Variants in MLLT10 observed in about 807,000 individuals in gnomAD.
MLLT10 encodes protein AF-10.
In MLLT10, 30 loss-of-function variants were observed where a neutral mutation model predicts 129.1. The ratio of observed to expected loss-of-function variants is 0.23; its 90% CI spans 0.17 to 0.32. The LOEUF (loss-of-function observed/expected upper bound fraction) is 0.32, where lower values mean the gene tolerates loss of function less well. Among genes scored for constraint, MLLT10 ranks in the 10% least tolerant of loss-of-function variants. MLLT10 has a pLI of 1.00. For synonymous variants in MLLT10, 490 were observed against 446.4 expected (o/e 1.10, Z -1.23); for missense variants, 1,119 against 1,268.3 (o/e 0.88, Z 1.79).
chr10:21,654,713 G>A (rs1371859479), intron 9 of MLLT10, among the ~76,000 whole-genome samples: 1 of 152,152 alleles, frequency 6.6e-6, no homozygotes, highest in Non-Finnish European at 1.5e-5. Flanking sequence ...CACAGAGTAG[G>A]GTTTGGTCAG....
Position 21,621,329 on chromosome 10 carries a change from C to G in MLLT10, c.699+4122C>G, listed in dbSNP as rs2045829910. 2.0e-5 allele frequency among the ~76,000 whole-genome samples: 3 copies of G among 149,692 alleles called. No homozygotes were observed. The South Asian group carries it at 6.3e-4, about 32-fold the overall frequency. ...GCGCGATCTGGGCTTACTGCAAGCT[C>G]CGCCTTCCAGGTTCACGCCATTTTC... On this transcript the variant is annotated intron_variant, in intron 8 of 22. Coordinates refer to ENST00000307729, the MANE Select transcript of MLLT10 (RefSeq NM_001195626.3).
At chr10:21,650,836 A>G (rs975981522) in intron 8 of MLLT10, among the ~76,000 whole-genome samples, 2 of 152,084 alleles carry the variant, frequency 1.3e-5, no homozygotes, top group Non-Finnish European at 2.9e-5. Context: ...AACTTTATCT[A>G]AATTTTTTTG....
At chr10:21,689,571 A>ATATATATATATATGTATG (rs1330574228) in intron 13 of MLLT10, among the ~76,000 whole-genome samples, 1 of 88,576 alleles carries the variant, frequency 1.1e-5, no homozygotes, top group African/African-American at 3.1e-5. Flanking sequence ...ATATGTATAT[A>ATATATATATATATGTATG]TATATATATA....
intron 3 of MLLT10, among the ~76,000 whole-genome samples, chr10:21,561,317 G>T (rs1247165851): frequency 6.6e-6 from 1 of 152,106 alleles, no homozygotes; most frequent in African/African-American, 2.4e-5. Context: ...TGAGATCTTG[G>T]CTCTGTTCTG....
At chr10:21,562,328 T>TA (rs1210558012) in intron 3 of MLLT10, among the ~76,000 whole-genome samples, 3 of 150,288 alleles carry the variant, frequency 2.0e-5, no homozygotes, top group African/African-American at 7.5e-5. Flanking sequence ...TATTTTTGTT[T>TA]TTTTATTTAT....
intron 3 of MLLT10, chr10:21,551,881 G>A: frequency 5.7e-6 from 2 of 352,890 alleles, no homozygotes; most frequent in Admixed American, 4.0e-5. Flanking sequence ...TGCAACCTCT[G>A]CTCCCCGGGT....
In MLLT10 at chr10:21,659,513, T is replaced by A. The variant is rs1307120362; in HGVS notation, c.795+7745T>A. ...TACTTTGCTCTTCTTACTCTTAATC[T>A]TTTTTTTTTTTTTTTGAGACGGATT... On this transcript the variant is annotated intron_variant, in intron 9 of 22. Coordinates refer to ENST00000307729, the MANE Select transcript of MLLT10 (RefSeq NM_001195626.3). Among the ~76,000 whole-genome samples, 15 of 137,362 alleles carry A rather than the reference T, an allele frequency of 1.1e-4. No individual in the cohort carries two copies. In the East Asian group the frequency reaches 3.0e-3, roughly 27 times the overall value. 90.1% of individuals were successfully genotyped at this position (137,362 alleles called of 152,430 possible).
At chr10:21,619,029 TACAC>T (rs66469025) in intron 8 of MLLT10, among the ~76,000 whole-genome samples, 20,919 of 143,706 alleles carry the variant, frequency 0.15, 1,584 homozygotes, top group Admixed American at 0.25. Context: ...CCTGGTGACA[TACAC>T]ACACACACAC....
At chr10:21,693,143 T>C (rs1231659095) in intron 13 of MLLT10, among the ~76,000 whole-genome samples, 7 of 152,212 alleles carry the variant, frequency 4.6e-5, no homozygotes. Flanking sequence ...ACTCATATTT[T>C]TATACTTTAT....
rs1335068052 is a variant in MLLT10 at position 21,586,543 on chromosome 10, T to C, written c.295+195T>C. Among the ~76,000 whole-genome samples, 3 of 152,166 alleles carry C rather than the reference T, an allele frequency of 2.0e-5. No individual in the cohort carries two copies. In the South Asian group the frequency reaches 6.2e-4, roughly 31 times the overall value. ...TCTACTTTGTGGACAAACTTAAGCA[T>C]TGGGTATTTTATGCAGTATGATCTA... On this transcript the variant is annotated intron_variant, in intron 4 of 22. Transcript: ENST00000307729.
intron 13 of MLLT10, among the ~76,000 whole-genome samples, chr10:21,699,697 A>T (rs1347539835): frequency 6.6e-5 from 10 of 151,982 alleles, no homozygotes; most frequent in Non-Finnish European, 2.9e-5. Context: ...AAAAAAAAAA[A>T]AGTGGGTTTA....
At chr10:21,711,855 C>G (rs2056121329) in intron 13 of MLLT10, among the ~76,000 whole-genome samples, 3 of 152,222 alleles carry the variant, frequency 2.0e-5, no homozygotes, top group African/African-American at 7.2e-5. Flanking sequence ...TTAGATACCT[C>G]TTTTTCTGTG....
At chr10:21,537,540 G>T (rs976542841) in intron 2 of MLLT10, among the ~76,000 whole-genome samples, 4 of 151,634 alleles carry the variant, frequency 2.6e-5, no homozygotes, top group African/African-American at 9.7e-5. Flanking sequence ...TCTCGGCTCA[G>T]TGAAACCTTC....
chr10:21,562,687 A>G (rs2038980159), intron 3 of MLLT10, among the ~76,000 whole-genome samples: 1 of 152,100 alleles, frequency 6.6e-6, no homozygotes, highest in South Asian at 2.1e-4. Flanking sequence ...AGGTATTACA[A>G]TCCAAGAACG....
In MLLT10 at chr10:21,585,248, A is replaced by G. The variant is rs565293894; in HGVS notation, c.241-1046A>G. Among the ~76,000 whole-genome samples, 5 of 152,146 alleles carry G rather than the reference A, an allele frequency of 3.3e-5. No homozygotes were observed. The South Asian group carries it at 1.0e-3, about 32-fold the overall frequency. On this transcript the variant is annotated intron_variant, in intron 3 of 22. Coordinates refer to ENST00000307729, the MANE Select transcript of MLLT10 (RefSeq NM_001195626.3). ...CTATATTACTATATAGTATGCTGCA[A>G]AACCTCTTTTGGAAACAAAGTGGGA...
At chr10:21,564,912 C>T (rs529931577) in intron 3 of MLLT10, among the ~76,000 whole-genome samples, 9 of 151,526 alleles carry the variant, frequency 5.9e-5, no homozygotes, top group East Asian at 3.9e-4. Context: ...TAGTTCATAG[C>T]GTTGAATTAA....
chr10:21,623,585 T>C (rs1275896100), intron 8 of MLLT10, among the ~76,000 whole-genome samples: 2 of 152,210 alleles, frequency 1.3e-5, no homozygotes, highest in African/African-American at 4.8e-5. Context: ...AACTGTAAAA[T>C]AGAGTTTTAT....
chr10:21,626,330 C>G, intron 8 of MLLT10: 1 of 861,240 alleles, frequency 1.2e-6, no homozygotes, highest in Non-Finnish European at 1.9e-6. Context: ...AGAACCAGTG[C>G]AAGGCATTTT....
intron 16 of MLLT10, among the ~76,000 whole-genome samples, chr10:21,730,019 TTAGA>T (rs1355090508): frequency 1.3e-5 from 2 of 151,990 alleles, no homozygotes; most frequent in African/African-American, 2.4e-5. Context: ...ATCCCAGCAG[TTAGA>T]TAGAGAGGCC....
Sources: allele counts gnomAD v4.1 joint callset (sites outside exome capture counted in the v4.1 genomes callset), GRCh38; gene constraint gnomAD v4.1.1; transcripts MANE v1.5; gene names NCBI Gene and HGNC (gene_info 2026-07-23, HGNC 2026-07-21).